PDZRN3: variants seen among roughly 807,000 people sequenced by gnomAD.
The protein encoded by PDZRN3 is PDZ domain containing ring finger 3.
In PDZRN3, 38 loss-of-function variants were observed where a neutral mutation model predicts 85.7. The ratio of observed to expected loss-of-function variants is 0.44; its 90% CI spans 0.34 to 0.58. The LOEUF (loss-of-function observed/expected upper bound fraction) is 0.58, where lower values mean the gene tolerates loss of function less well. PDZRN3 is among the 20% of genes least tolerant of loss of function. PDZRN3 has a pLI of 0.01. For missense variants in PDZRN3, 1,629 were observed against 1,506.4 expected (o/e 1.08, Z -1.35); for synonymous variants, 759 against 638.0 (o/e 1.19, Z -2.86).
Position 73,492,014 on chromosome 3 carries a change from C to T in PDZRN3, c.919-87619G>A, listed in dbSNP as rs78273733. On this transcript the variant is annotated intron_variant, in intron 3 of 9. Coordinates refer to ENST00000263666, the MANE Select transcript of PDZRN3 (RefSeq NM_015009.3). Reference sequence around the variant, plus strand: ...CTTTGATATGTGCTTCTTCACACCCCACCCTCTCTAAAGGAAAAACACACA... The same window carrying T: ...CTTTGATATGTGCTTCTTCACACCCTACCCTCTCTAAAGGAAAAACACACA... Among the ~76,000 whole-genome samples, 927 of 152,170 alleles carry T rather than the reference C, an allele frequency of 6.1e-3. 2 individuals carry two copies. The highest frequency in any genetic ancestry group is 0.011 in the Admixed American group (162 of 15,294).
chr3:73,576,105 T>C (rs779615300), intron 3 of PDZRN3, among the ~76,000 whole-genome samples: 1 of 146,188 alleles, frequency 6.8e-6, no homozygotes. Context: ...CATGCATGCA[T>C]ACTCTCTCTC....
intron 3 of PDZRN3, among the ~76,000 whole-genome samples, chr3:73,568,530 G>A (rs67423335): frequency 0.16 from 24,008 of 152,102 alleles, 2,380 homozygotes; most frequent in East Asian, 0.26. Flanking sequence ...ACAAAACTGT[G>A]GTAAATGCAT....
intron 3 of PDZRN3, among the ~76,000 whole-genome samples, chr3:73,465,407 G>GAA (rs1196947649): frequency 6.6e-6 from 1 of 152,170 alleles, no homozygotes; most frequent in African/African-American, 2.4e-5. Context: ...GATGTGATCT[G>GAA]AACATTCACT....
chr3:73,622,500 T>C (rs1185673444), intron 1 of PDZRN3, among the ~76,000 whole-genome samples: 1 of 152,214 alleles, frequency 6.6e-6, no homozygotes, highest in Non-Finnish European at 1.5e-5. Flanking sequence ...GTTGAAAATG[T>C]GGCTTCTGCA....
intron 3 of PDZRN3, among the ~76,000 whole-genome samples, chr3:73,565,357 T>C (rs1223747776): frequency 3.3e-5 from 5 of 151,874 alleles, no homozygotes; most frequent in Non-Finnish European, 7.4e-5. Flanking sequence ...ACTGAACTCC[T>C]GACCTTGTGA....
At chr3:73,441,501 T>C (rs1045554406) in intron 3 of PDZRN3, among the ~76,000 whole-genome samples, 2 of 149,326 alleles carry the variant, frequency 1.3e-5, no homozygotes, top group Non-Finnish European at 3.0e-5. Flanking sequence ...ATGTGGACCA[T>C]AATTTGACGA....
chr3:73,417,980 G>C (rs1354818326), intron 3 of PDZRN3, among the ~76,000 whole-genome samples: 1 of 152,182 alleles, frequency 6.6e-6, no homozygotes, highest in African/African-American at 2.4e-5. Flanking sequence ...GGAAGATTTA[G>C]AACCTATATG....
chr3:73,451,291 A>G (rs1702856359), intron 3 of PDZRN3, among the ~76,000 whole-genome samples: 1 of 152,194 alleles, frequency 6.6e-6, no homozygotes, highest in African/African-American at 2.4e-5. Flanking sequence ...TTTACTGCTA[A>G]TAAATGATTG....
At position 73,582,909 on chromosome 3, in the gene PDZRN3, A is replaced by T. The variant is rs1382139050; in HGVS notation, c.918+19445T>A. 2.6e-5 allele frequency among the ~76,000 whole-genome samples: 4 copies of T among 152,198 alleles called. No homozygotes were observed. The East Asian group carries it at 7.7e-4, about 29-fold the overall frequency. On this transcript the variant is annotated intron_variant, in intron 3 of 9. Coordinates refer to ENST00000263666, the MANE Select transcript of PDZRN3 (RefSeq NM_015009.3). ...TAATAAATGCATACTATTTCATCAC[A>T]TGGATGTGACCCCAGCTTATTCAGT...
chr3:73,495,529 C>T (rs1233170620), intron 3 of PDZRN3, among the ~76,000 whole-genome samples: 1 of 152,082 alleles, frequency 6.6e-6, no homozygotes, highest in Non-Finnish European at 1.5e-5. Flanking sequence ...CTTTCTTATC[C>T]GTGCGCATAT....
At chr3:73,421,751 G>A (rs967133991) in intron 3 of PDZRN3, among the ~76,000 whole-genome samples, 5 of 152,110 alleles carry the variant, frequency 3.3e-5, no homozygotes, top group South Asian at 2.1e-4. Context: ...AGGTTCAAGC[G>A]ATTCTCCTGC....
chr3:73,497,916 C>T (rs1703898922), intron 3 of PDZRN3, among the ~76,000 whole-genome samples: 1 of 151,996 alleles, frequency 6.6e-6, no homozygotes, highest in Admixed American at 6.5e-5. Context: ...AAGGGAGAAG[C>T]ACTTTAGGTA....
chr3:73,517,664 C>T (rs1345323010), intron 3 of PDZRN3, among the ~76,000 whole-genome samples: 2 of 152,150 alleles, frequency 1.3e-5, no homozygotes, highest in Non-Finnish European at 2.9e-5. Flanking sequence ...ATAATTGAAT[C>T]CATATCTGTA....
At chr3:73,607,644 T>C (rs548859890) in intron 2 of PDZRN3, among the ~76,000 whole-genome samples, 17 of 152,348 alleles carry the variant, frequency 1.1e-4, no homozygotes, top group African/African-American at 1.7e-4. Context: ...AAGCTAATGA[T>C]ACCCTTTGCT....
chr3:73,499,301 G>A (rs1300002775), intron 3 of PDZRN3, among the ~76,000 whole-genome samples: 3 of 152,162 alleles, frequency 2.0e-5, no homozygotes, highest in African/African-American at 7.2e-5. Context: ...TGTGATTAGG[G>A]AGCATCCATG....
chr3:73,411,573 T>C (rs1701968015), intron 3 of PDZRN3, among the ~76,000 whole-genome samples: 1 of 150,858 alleles, frequency 6.6e-6, no homozygotes, highest in African/African-American at 2.5e-5. Context: ...GTGGTGGTCC[T>C]GCTTCTGGCT....
chr3:73,411,302 T>C (rs1701962199), intron 3 of PDZRN3, among the ~76,000 whole-genome samples: 1 of 152,146 alleles, frequency 6.6e-6, no homozygotes, highest in African/African-American at 2.4e-5. Context: ...AAGTGAAAAA[T>C]GACAGAGAGG....
At chr3:73,576,773 A>T (rs1408441764) in intron 3 of PDZRN3, among the ~76,000 whole-genome samples, 1 of 152,210 alleles carries the variant, frequency 6.6e-6, no homozygotes, top group African/African-American at 2.4e-5. Flanking sequence ...ACTTTACAGA[A>T]CTGTCATCTT....
chr3:73,404,240 G>T lies in PDZRN3; in HGVS notation c.1074C>A (p.Thr358=), dbSNP rs762739953. The T allele has an allele frequency of 5.6e-6, 9 of 1,614,094 alleles. No homozygotes were observed. In the East Asian group the frequency reaches 2.0e-4, roughly 36 times the overall value. Reference sequence around the variant, plus strand: ...TATGTTCAAAGGTGATGTCGGTTTGGGTTCCCGTGTCCACCAGCTGAGACT... The same window carrying T: ...TATGTTCAAAGGTGATGTCGGTTTGTGTTCCCGTGTCCACCAGCTGAGACT... ...PSESQLVDTG[T]QTDITFEHIM... is the part of the protein sequence containing the mutation. The change falls in exon 4 of 10, where the codon ACC becomes ACA. Residue 358 remains threonine, a synonymous_variant. Transcript: ENST00000263666.
Sources: gnomAD v4.1 joint callset for allele counts (sites outside exome capture counted in the v4.1 genomes callset) on GRCh38, gnomAD v4.1.1 for gene constraint, MANE v1.5 for transcripts, NCBI Gene and HGNC (gene_info 2026-07-23, HGNC 2026-07-21) for gene names.